The following PACS1 variants were observed in gnomAD, a reference collection of about 807,000 sequenced individuals.
PACS1 encodes the protein phosphofurin acidic cluster sorting protein 1.
In PACS1, 24 loss-of-function variants were observed where a neutral mutation model predicts 115.0. The ratio of observed to expected loss-of-function variants is 0.21; its 90% CI spans 0.15 to 0.29. The LOEUF is 0.29. PACS1 is among the 10% of genes least tolerant of loss of function. PACS1 has a pLI of 1.00. For missense variants in PACS1, 838 were observed against 1,251.2 expected (o/e 0.67, Z 4.98); for synonymous variants, 453 against 504.5 (o/e 0.90, Z 1.37).
At chr11:66,090,722 A>G (rs1414775404) in intron 1 of PACS1, among the ~76,000 whole-genome samples, 2 of 152,212 alleles carry the variant, frequency 1.3e-5, no homozygotes, top group African/African-American at 4.8e-5. Flanking sequence ...CTGCTTAGAA[A>G]TGCTCTGAGG....
chr11:66,155,026 T>G (rs942731819), intron 1 of PACS1, among the ~76,000 whole-genome samples: 3 of 152,170 alleles, frequency 2.0e-5, no homozygotes, highest in Non-Finnish European at 4.4e-5. Flanking sequence ...CTGAGGCAAT[T>G]CAATGGGGAA....
intron 4 of PACS1, among the ~76,000 whole-genome samples, chr11:66,214,912 G>A (rs1042593868): frequency 3.3e-5 from 5 of 151,348 alleles, no homozygotes; most frequent in African/African-American, 1.2e-4. Flanking sequence ...ACAGGCTACT[G>A]TGCCCGGCCA....
intron 1 of PACS1, among the ~76,000 whole-genome samples, chr11:66,186,867 G>A (rs542142916): frequency 5.3e-5 from 8 of 152,270 alleles, no homozygotes; most frequent in East Asian, 3.9e-4. Flanking sequence ...TAACGTTGCC[G>A]TTGTTGGCCA....
intron 1 of PACS1, among the ~76,000 whole-genome samples, chr11:66,165,042 G>T (rs751326111): frequency 2.1e-4 from 32 of 152,100 alleles, no homozygotes; most frequent in Admixed American, 5.2e-4. Flanking sequence ...TTGAAATCTT[G>T]TCCTCTGTCC....
intron 10 of PACS1, among the ~76,000 whole-genome samples, chr11:66,225,251 C>T (rs1223499723): frequency 1.3e-5 from 2 of 152,222 alleles, no homozygotes; most frequent in Non-Finnish European, 2.9e-5. Flanking sequence ...TGACATTGTC[C>T]ATGAGCACAG....
At position 66,080,998 on chromosome 11, in the gene PACS1, G is replaced by C. The variant is rs117778657; in HGVS notation, c.356+10156G>C. Among the ~76,000 whole-genome samples, 1,252 of 152,250 alleles carry C rather than the reference G, an allele frequency of 8.2e-3. 25 individuals carry two copies. The highest frequency in any genetic ancestry group is 0.029 in the African/African-American group (1,187 of 41,532). On this transcript the variant is annotated intron_variant, in intron 1 of 23. Transcript: ENST00000320580. ...AACCCCAGCAATTTGGGAGGCTGAG[G>C]TGGAAGGATTGCTTGAGCCCAGGAG... is the stretch of plus-strand genomic sequence containing the variant.
chr11:66,089,978 C>T (rs113629683), intron 1 of PACS1, among the ~76,000 whole-genome samples: 1,301 of 125,242 alleles, frequency 0.01, 17 homozygotes, highest in African/African-American at 0.036. Context: ...TGCACTCCAG[C>T]CTGGAGGACA....
At chr11:66,191,255 T>C (rs1261955717) in intron 1 of PACS1, among the ~76,000 whole-genome samples, 5 of 152,218 alleles carry the variant, frequency 3.3e-5, no homozygotes, top group Non-Finnish European at 5.9e-5. Context: ...CTTTCCTCCC[T>C]GGCCCCCTCT....
intron 7 of PACS1, chr11:66,217,495 A>G: frequency 2.2e-6 from 1 of 452,722 alleles, no homozygotes; most frequent in South Asian, 1.6e-5. Context: ...AGGCATCCTG[A>G]TTCTCCCCAG....
At chr11:66,080,199 C>T (rs767071003) in intron 1 of PACS1, among the ~76,000 whole-genome samples, 1 of 152,244 alleles carries the variant, frequency 6.6e-6, no homozygotes, top group Non-Finnish European at 1.5e-5. Context: ...CTGTTATGCA[C>T]AATTCATCCA....
At chr11:66,128,883 CAA>C (rs71455705) in intron 1 of PACS1, among the ~76,000 whole-genome samples, 16 of 127,962 alleles carry the variant, frequency 1.3e-4, no homozygotes, top group Admixed American at 1.6e-4. Flanking sequence ...GACTCCATCT[CAA>C]AAAAAAAAAA....
chr11:66,122,170 A>G (rs1257050014), intron 1 of PACS1, among the ~76,000 whole-genome samples: 3 of 152,316 alleles, frequency 2.0e-5, no homozygotes, highest in South Asian at 2.1e-4. Context: ...ATTATGCTCA[A>G]TCTACTCTGC....
intron 1 of PACS1, among the ~76,000 whole-genome samples, chr11:66,162,100 G>T (rs801735): frequency 0.45 from 64,296 of 141,962 alleles, 14,705 homozygotes; most frequent in Admixed American, 0.49. Context: ...TTTTCTGTTG[G>T]TGGTGGTGGT....
At chr11:66,217,628 GA>G (rs1219986137) in intron 7 of PACS1, 2 of 456,072 alleles carry the variant, frequency 4.4e-6, no homozygotes, top group Non-Finnish European at 8.8e-6. Flanking sequence ...GTAAATCCGT[GA>G]GACTGTGACC....
chr11:66,088,018 C>T (rs568514466), intron 1 of PACS1, among the ~76,000 whole-genome samples: 10 of 151,982 alleles, frequency 6.6e-5, no homozygotes, highest in Non-Finnish European at 1.3e-4. Flanking sequence ...ATTTGTTGGC[C>T]GTGTGTGTAT....
chr11:66,167,351 TG>T lies in PACS1; in HGVS notation c.357-26134del, dbSNP rs202168105. The stretch of plus-strand genomic sequence containing the variant: ...GGCTTGTCTTTTTTTTTTTTTTTTT[TG>T]TTGAGACAGGGTCTTACTCTGTGAT... On this transcript the variant is annotated intron_variant, in intron 1 of 23. Coordinates refer to ENST00000320580, the MANE Select transcript of PACS1 (RefSeq NM_018026.4). Among the ~76,000 whole-genome samples the T allele has an allele frequency of 3.5e-3, 492 of 139,224 alleles. 43 individuals are homozygous for T. Among genetic ancestry groups the T allele is most frequent in the Admixed American group, 5.2e-3 (73 of 14,100 alleles). 91.3% of individuals were successfully genotyped at this position (139,224 alleles called of 152,430 possible).
chr11:66,206,885 T>G (rs2134693609), intron 2 of PACS1, among the ~76,000 whole-genome samples: 1 of 152,340 alleles, frequency 6.6e-6, no homozygotes, highest in South Asian at 2.1e-4. Flanking sequence ...TGCTCTGAGC[T>G]GAGAAATCTT....
intron 1 of PACS1, among the ~76,000 whole-genome samples, chr11:66,167,209 T>C (rs907927014): frequency 2.7e-5 from 4 of 150,390 alleles, no homozygotes; most frequent in Non-Finnish European, 5.9e-5. Context: ...ACATGGAGCG[T>C]CTGTTCATGT....
intron 1 of PACS1, among the ~76,000 whole-genome samples, chr11:66,149,680 G>A (rs1203747): frequency 0.5 from 54,230 of 109,134 alleles, 10,087 homozygotes; most frequent in African/African-American, 0.57. Context: ...TCTTGTGTTC[G>A]TGTGTGTGTG....
Sources: allele counts gnomAD v4.1 joint callset (sites outside exome capture counted in the v4.1 genomes callset), GRCh38; gene constraint gnomAD v4.1.1; transcripts MANE v1.5; gene names NCBI Gene and HGNC (gene_info 2026-07-23, HGNC 2026-07-21).